Variants in DISC1 observed in about 807,000 individuals in gnomAD.
DISC1 encodes the protein disrupted in schizophrenia 1 protein.
In DISC1, 57 loss-of-function variants were observed where a neutral mutation model predicts 84.5. The ratio of observed to expected loss-of-function variants is 0.67; its 90% CI spans 0.55 to 0.84. The LOEUF (loss-of-function observed/expected upper bound fraction) is 0.84. DISC1 is among the 40% of genes least tolerant of loss of function. The probability of loss-of-function intolerance (pLI) is 0.00; values close to 1 mark genes in which losing one functional copy is unlikely to be tolerated. For synonymous variants in DISC1, 411 were observed against 415.2 expected, an observed-to-expected ratio of 0.99 and a Z score of 0.12; for missense variants, 1,000 against 1,057.8, an observed-to-expected ratio of 0.95 and a Z score of 0.76.
At chr1:231,846,785 G>C (rs2083478672) in intron 9 of DISC1, among the ~76,000 whole-genome samples, 1 of 152,162 alleles carries the variant, frequency 6.6e-6, no homozygotes, top group South Asian at 2.1e-4. Context: ...ACTCAGGCAG[G>C]ATAACGTGAT....
intron 3 of DISC1, among the ~76,000 whole-genome samples, chr1:231,722,219 T>G (rs2069874365): frequency 1.3e-5 from 2 of 151,170 alleles, no homozygotes; most frequent in South Asian, 4.2e-4. Flanking sequence ...ATTTGGAAAC[T>G]ATTGTTGAGA....
intron 9 of DISC1, among the ~76,000 whole-genome samples, chr1:231,856,416 T>C (rs1353302490): frequency 1.3e-5 from 2 of 152,194 alleles, no homozygotes; most frequent in African/African-American, 4.8e-5. Flanking sequence ...TCAAAGTTGC[T>C]GAAACGATAT....
chr1:231,777,028 G>A (rs139787824), intron 6 of DISC1, among the ~76,000 whole-genome samples: 3 of 152,112 alleles, frequency 2.0e-5, no homozygotes, highest in Admixed American at 1.3e-4. Context: ...TTTTCCATTC[G>A]TGAAGATTGT....
At chr1:231,915,978 T>G (rs976702687) in intron 9 of DISC1, among the ~76,000 whole-genome samples, 1 of 152,006 alleles carries the variant, frequency 6.6e-6, no homozygotes, top group Non-Finnish European at 1.5e-5. Context: ...AGCCCAAGGG[T>G]ATTTCTTGCA....
rs187786983 is a variant in DISC1, at chr1:231,841,124, G to A, written c.1981+22607G>A. On this transcript the variant is annotated intron_variant, in intron 9 of 12. Transcript: ENST00000439617. ...AAGGAAAAGCTCATAGAAGCATTTC[G>A]GATTTTGCATTTTCAAATTAGAGAT... 5.3e-5 allele frequency among the ~76,000 whole-genome samples: 8 copies of A among 152,142 alleles called. No individual in the cohort carries two copies. In the East Asian group the frequency reaches 5.8e-4, roughly 11 times the overall value.
intron 9 of DISC1, among the ~76,000 whole-genome samples, chr1:231,874,411 G>A (rs893768966): frequency 6.6e-5 from 10 of 151,126 alleles, no homozygotes; most frequent in African/African-American, 9.7e-5. Context: ...TGCCCACCTC[G>A]GCCTCTCAAA....
At chr1:231,737,883 G>A (rs574619471) in intron 3 of DISC1, among the ~76,000 whole-genome samples, 62 of 152,156 alleles carry the variant, frequency 4.1e-4, no homozygotes, top group Non-Finnish European at 7.2e-4. Context: ...TTTTGAGTCA[G>A]GGCTTGCTCT....
At chr1:231,771,334 A>G (rs564961040) in intron 6 of DISC1, 4 of 985,196 alleles carry the variant, frequency 4.1e-6, no homozygotes, top group South Asian at 4.7e-5. Context: ...CCCATTTCCA[A>G]ACACCCTCAG....
chr1:231,784,956 T>C (rs200136156), intron 6 of DISC1, among the ~76,000 whole-genome samples: 107 of 152,342 alleles, frequency 7.0e-4, no homozygotes, highest in Admixed American at 1.5e-3. Context: ...TGAATTTATG[T>C]ACCCTGTTGT....
chr1:231,695,936 G>A (rs2065634303), intron 2 of DISC1, among the ~76,000 whole-genome samples: 1 of 152,188 alleles, frequency 6.6e-6, no homozygotes, highest in Non-Finnish European at 1.5e-5. Context: ...TATGCAGAGA[G>A]GGAGTGAGGT....
At chr1:231,660,142 A>C (rs1001138050) in intron 1 of DISC1, among the ~76,000 whole-genome samples, 1 of 152,208 alleles carries the variant, frequency 6.6e-6, no homozygotes, top group African/African-American at 2.4e-5. Context: ...AACTTGCTTT[A>C]TGAATCTGGG....
intron 9 of DISC1, among the ~76,000 whole-genome samples, chr1:231,837,348 T>A (rs996940859): frequency 6.6e-6 from 1 of 152,178 alleles, no homozygotes; most frequent in Admixed American, 6.5e-5. Context: ...AGGGGAGACA[T>A]GATATTTTTT....
At chr1:231,713,678 CAGAT>C (rs1358069851) in intron 3 of DISC1, among the ~76,000 whole-genome samples, 1 of 125,282 alleles carries the variant, frequency 8.0e-6, no homozygotes, top group Non-Finnish European at 1.6e-5. Flanking sequence ...CATCATGAAG[CAGAT>C]ATATATATAT....
In DISC1 at chr1:232,026,520, C is replaced by G. The variant is rs949126051; in HGVS notation, c.2393C>G (p.Thr798Arg). 4 of 1,606,084 alleles carry G rather than the reference C, an allele frequency of 2.5e-6. No individual in the cohort carries two copies. Among genetic ancestry groups the G allele is most frequent in the African/African-American group, 1.3e-5 (1 of 74,822 alleles). The change falls in exon 12 of 13, where the codon ACA becomes AGA. Residue 798 changes from threonine (T) to arginine (R), a missense_variant. By Grantham distance (71) the Thr-to-Arg change is moderately conservative. Coordinates refer to ENST00000439617, the MANE Select transcript of DISC1 (RefSeq NM_018662.3). ...KLLYLEDQLH[T>R]AIHSHDEDLI... is the part of the protein sequence containing the mutation. ...TTGTACTTGGAAGATCAACTTCACA[C>G]AGCAATCCACAGTCATGATGAAGAT...
At chr1:231,907,705 G>A (rs1299053796) in intron 9 of DISC1, among the ~76,000 whole-genome samples, 7 of 152,250 alleles carry the variant, frequency 4.6e-5, no homozygotes, top group African/African-American at 4.8e-5. Flanking sequence ...TGGGATGGCT[G>A]GGTCAAATGG....
At chr1:231,754,871 T>C (rs922644299) in intron 4 of DISC1, among the ~76,000 whole-genome samples, 1 of 152,168 alleles carries the variant, frequency 6.6e-6, no homozygotes, top group African/African-American at 2.4e-5. Context: ...GCTTACTTTA[T>C]GAGCTATCAT....
chr1:231,925,899 C>T (rs2090334502), intron 9 of DISC1: 2 of 152,228 alleles, frequency 1.3e-5, no homozygotes, highest in African/African-American at 4.8e-5. Flanking sequence ...AGAAGGAACC[C>T]ACTGGACTAA....
chr1:231,650,202 C>G (rs779125185), intron 1 of DISC1, among the ~76,000 whole-genome samples: 3 of 152,052 alleles, frequency 2.0e-5, no homozygotes, highest in Non-Finnish European at 4.4e-5. Context: ...GGCTGGTACC[C>G]GTTGTTCCTT....
At position 231,659,702 on chromosome 1, in the gene DISC1, C is replaced by T. The variant is rs548431344; in HGVS notation, c.67+32768C>T. ...CTTTGTTCTCATTAGTTTCAAAGTA[C>T]TTATTGATTTCTGCCTTAATTTCAT... is the stretch of plus-strand genomic sequence containing the variant. On this transcript the variant is annotated intron_variant, in intron 1 of 12. Transcript: ENST00000439617. Among the ~76,000 whole-genome samples, 26 of 152,296 alleles carry T rather than the reference C, an allele frequency of 1.7e-4. 1 individual carries two copies. The South Asian group carries it at 5.2e-3, about 30-fold the overall frequency.
Sources: gnomAD v4.1 joint callset for allele counts (sites outside exome capture counted in the v4.1 genomes callset) on GRCh38, gnomAD v4.1.1 for gene constraint, MANE v1.5 for transcripts, NCBI Gene and HGNC (gene_info 2026-07-23, HGNC 2026-07-21) for gene names.